Variants in ROBO1 observed in about 807,000 individuals in gnomAD.
The protein encoded by ROBO1 is roundabout homolog 1.
Under a neutral mutation model 195.9 loss-of-function variants are expected in ROBO1, and 149 were observed. The observed-to-expected ratio is 0.76, with a 90% CI of 0.67 to 0.87. The LOEUF (loss-of-function observed/expected upper bound fraction) is 0.87. ROBO1 is among the 40% of genes least tolerant of loss of function. The probability of loss-of-function intolerance (pLI) is 0.00; values close to 1 mark genes in which losing one functional copy is unlikely to be tolerated. For missense variants in ROBO1, 1,933 were observed against 2,068.3 expected (o/e 0.93, Z 1.27); for synonymous variants, 816 against 733.2 (o/e 1.11, Z -1.82).
chr3:79,200,693 C>T (rs1057195895), intron 2 of ROBO1, among the ~76,000 whole-genome samples: 2 of 151,590 alleles, frequency 1.3e-5, no homozygotes, highest in Admixed American at 1.3e-4. Context: ...GAGAATGGCA[C>T]GTACTCTAAT....
chr3:78,964,107 A>C (rs2041549196), intron 3 of ROBO1, among the ~76,000 whole-genome samples: 1 of 151,946 alleles, frequency 6.6e-6, no homozygotes, highest in African/African-American at 2.4e-5. Flanking sequence ...TGCATCACCT[A>C]TCCTGATCCC....
chr3:79,194,695 A>ATGACCT (rs1304398337), intron 2 of ROBO1, among the ~76,000 whole-genome samples: 9 of 151,692 alleles, frequency 5.9e-5, no homozygotes, highest in African/African-American at 2.2e-4. Flanking sequence ...TTCTGTCTTT[A>ATGACCT]TGACCTTTCA....
chr3:78,980,327 T>C (rs1055530572), intron 3 of ROBO1, among the ~76,000 whole-genome samples: 6 of 152,102 alleles, frequency 3.9e-5, no homozygotes, highest in African/African-American at 1.4e-4. Flanking sequence ...AAAACATCCA[T>C]ACGAACAACA....
In ROBO1 at chr3:79,486,185, C is replaced by CT. The variant is rs370026806; in HGVS notation, c.88+103638dup. Among the ~76,000 whole-genome samples, 1,313 of 151,562 alleles carry CT rather than the reference C, an allele frequency of 8.7e-3. 19 individuals are homozygous for CT. Among genetic ancestry groups the CT allele is most frequent in the African/African-American group, 0.03 (1,246 of 41,342 alleles). ...ATAGTAAAGTCTCACAAAGTATTGTCTTTTTTTTAAGTTTATAATTACATT... is the reference window on the plus strand; with the variant it reads ...ATAGTAAAGTCTCACAAAGTATTGTCTTTTTTTTTAAGTTTATAATTACATT... On this transcript the variant is annotated intron_variant, in intron 2 of 30. Coordinates refer to ENST00000464233, the MANE Select transcript of ROBO1 (RefSeq NM_002941.4).
At chr3:79,226,945 A>G (rs1672867064) in intron 2 of ROBO1, among the ~76,000 whole-genome samples, 1 of 152,070 alleles carries the variant, frequency 6.6e-6, no homozygotes. Flanking sequence ...TCTAAGGCCA[A>G]TCTCATCTAC....
intron 1 of ROBO1, among the ~76,000 whole-genome samples, chr3:79,609,935 T>G (rs1369367439): frequency 6.6e-6 from 1 of 151,926 alleles, no homozygotes; most frequent in African/African-American, 2.4e-5. Flanking sequence ...GTCATGATGG[T>G]TGAACCACAA....
At chr3:78,720,245 A>G (rs1268153708) in intron 5 of ROBO1, among the ~76,000 whole-genome samples, 3 of 152,214 alleles carry the variant, frequency 2.0e-5, no homozygotes, top group African/African-American at 2.4e-5. Context: ...GTGGGAGGAA[A>G]TGACTTGTGC....
At chr3:78,860,918 C>G (rs1202418683) in intron 4 of ROBO1, among the ~76,000 whole-genome samples, 1 of 152,132 alleles carries the variant, frequency 6.6e-6, no homozygotes, top group Non-Finnish European at 1.5e-5. Flanking sequence ...CTCTTACCCA[C>G]TAAATTTCTT....
chr3:79,401,321 A>C (rs1010823657), intron 2 of ROBO1, among the ~76,000 whole-genome samples: 2 of 151,914 alleles, frequency 1.3e-5, no homozygotes, highest in Non-Finnish European at 2.9e-5. Context: ...AAGTTGCTAC[A>C]GTTAGCTAAA....
chr3:79,700,767 T>C (rs116307879), intron 1 of ROBO1, among the ~76,000 whole-genome samples: 2,122 of 151,970 alleles, frequency 0.014, 31 homozygotes, highest in African/African-American at 0.035. Context: ...ATTCTGGACA[T>C]TAGAGCTTTG....
At chr3:78,916,328 G>T (rs1448347459) in intron 4 of ROBO1, among the ~76,000 whole-genome samples, 2 of 150,648 alleles carry the variant, frequency 1.3e-5, no homozygotes, top group Non-Finnish European at 3.0e-5. Context: ...CGAGGTGGGC[G>T]AACCACCTGA....
At chr3:79,750,301 T>G (rs1273233142) in intron 1 of ROBO1, among the ~76,000 whole-genome samples, 2 of 152,222 alleles carry the variant, frequency 1.3e-5, no homozygotes, top group African/African-American at 4.8e-5. Context: ...TAACTTGTTT[T>G]TGATTTTACA....
intron 2 of ROBO1, among the ~76,000 whole-genome samples, chr3:79,215,453 C>T (rs1305078020): frequency 3.3e-5 from 5 of 151,996 alleles, no homozygotes; most frequent in Non-Finnish European, 7.4e-5. Context: ...TTTCTGCCTC[C>T]CCTACTCCGA....
At chr3:79,128,703 A>C (rs1412692743) in intron 2 of ROBO1, among the ~76,000 whole-genome samples, 1 of 152,192 alleles carries the variant, frequency 6.6e-6, no homozygotes, top group Non-Finnish European at 1.5e-5. Flanking sequence ...GGACCCCCAT[A>C]ACAATCTTCG....
chr3:79,686,878 AT>A (rs1947132038), intron 1 of ROBO1, among the ~76,000 whole-genome samples: 1 of 152,184 alleles, frequency 6.6e-6, no homozygotes, highest in Non-Finnish European at 1.5e-5. Context: ...TTTAAAGTCC[AT>A]ATGGAGCCAA....
At chr3:78,848,939 C>T (rs1002663461) in intron 4 of ROBO1, among the ~76,000 whole-genome samples, 1 of 151,932 alleles carries the variant, frequency 6.6e-6, no homozygotes, top group Non-Finnish European at 1.5e-5. Context: ...CTCGGTCTAC[C>T]ATAGTAATGG....
chr3:79,655,147 G>A (rs546064705), intron 1 of ROBO1, among the ~76,000 whole-genome samples: 1 of 151,998 alleles, frequency 6.6e-6, no homozygotes, highest in East Asian at 1.9e-4. Context: ...ATATGAATAA[G>A]TACACTTTAA....
At chr3:79,632,198 C>T (rs1945365593) in intron 1 of ROBO1, among the ~76,000 whole-genome samples, 1 of 152,066 alleles carries the variant, frequency 6.6e-6, no homozygotes, top group African/African-American at 2.4e-5. Context: ...TTTTGTAGCA[C>T]TATTTACAAT....
At chr3:78,939,485 G>A (rs966403099) in intron 3 of ROBO1, among the ~76,000 whole-genome samples, 13 of 151,182 alleles carry the variant, frequency 8.6e-5, no homozygotes, top group Non-Finnish European at 1.6e-4. Context: ...TGGCGTGGTG[G>A]CGGACACCTG....
Sources: gnomAD v4.1 joint callset for allele counts (sites outside exome capture counted in the v4.1 genomes callset) on GRCh38, gnomAD v4.1.1 for gene constraint, MANE v1.5 for transcripts, NCBI Gene and HGNC (gene_info 2026-07-23, HGNC 2026-07-21) for gene names.